Variants in SWT1 observed in about 807,000 individuals in gnomAD.
SWT1 encodes transcriptional protein SWT1.
A neutral mutation model predicts 107.3 loss-of-function variants in SWT1; 33 were observed. That is an observed-to-expected ratio of 0.31 (90% CI 0.23 to 0.41). SWT1 has a LOEUF of 0.41. SWT1 is among the 10% of genes least tolerant of loss of function. The pLI is 1.00. For synonymous variants in SWT1, 345 were observed against 348.3 expected, an observed-to-expected ratio of 0.99 and a Z score of 0.11; for missense variants, 898 against 1,028.9, an observed-to-expected ratio of 0.87 and a Z score of 1.74.
intron 10 of SWT1, among the ~76,000 whole-genome samples, chr1:185,199,616 G>A (rs1033365712): frequency 7.2e-5 from 11 of 152,226 alleles, no homozygotes; most frequent in Non-Finnish European, 2.9e-5. Flanking sequence ...GAGATCTGCT[G>A]TTAGTCTGCT....
chr1:185,218,666 G>A (rs1396987037), intron 14 of SWT1, among the ~76,000 whole-genome samples: 1 of 152,084 alleles, frequency 6.6e-6, no homozygotes, highest in African/African-American at 2.4e-5. Context: ...GTACACTTTC[G>A]TTTTATGGGC....
intron 16 of SWT1, among the ~76,000 whole-genome samples, chr1:185,243,826 A>G (rs904058531): frequency 7.9e-5 from 12 of 152,030 alleles, no homozygotes; most frequent in African/African-American, 2.9e-4. Context: ...GCATGTAGCT[A>G]TATATTTTCT....
At chr1:185,172,627 A>G (rs1385910375) in intron 4 of SWT1, among the ~76,000 whole-genome samples, 1 of 152,130 alleles carries the variant, frequency 6.6e-6, no homozygotes, top group Non-Finnish European at 1.5e-5. Context: ...TTTTTAATTT[A>G]TATTCACATT....
intron 4 of SWT1, among the ~76,000 whole-genome samples, chr1:185,173,400 A>G (rs573443699): frequency 2.0e-5 from 3 of 152,084 alleles, no homozygotes; most frequent in African/African-American, 4.8e-5. Context: ...GAAGTTCTCT[A>G]TTAAGAAATC....
At chr1:185,178,471 A>G (rs990426958) in intron 5 of SWT1, among the ~76,000 whole-genome samples, 5 of 152,226 alleles carry the variant, frequency 3.3e-5, no homozygotes, top group Admixed American at 2.0e-4. Context: ...AGATAGAACC[A>G]TTATTATCTT....
At chr1:185,164,856 A>G (rs1402277090) in intron 2 of SWT1, among the ~76,000 whole-genome samples, 1 of 152,234 alleles carries the variant, frequency 6.6e-6, no homozygotes, top group Non-Finnish European at 1.5e-5. Flanking sequence ...TCGCTGGAGT[A>G]GTGCTTTTAA....
At chr1:185,175,281 C>T (rs1408547160) in intron 5 of SWT1, among the ~76,000 whole-genome samples, 168 bp downstream of exon 5, 3 of 150,570 alleles carry the variant, frequency 2.0e-5, no homozygotes, top group African/African-American at 4.9e-5. Context: ...GGAGTGCATG[C>T]AGTGGCACGA....
intron 14 of SWT1, among the ~76,000 whole-genome samples, chr1:185,220,791 A>G (rs1223366755): frequency 2.0e-5 from 3 of 152,220 alleles, no homozygotes; most frequent in East Asian, 1.9e-4. Context: ...TACACACTAC[A>G]GTTTATTGCT....
chr1:185,287,907 G>A (rs537122173), intron 18 of SWT1, among the ~76,000 whole-genome samples: 4 of 152,100 alleles, frequency 2.6e-5, no homozygotes, highest in Non-Finnish European at 4.4e-5. Context: ...GCCACTAGGA[G>A]GAAAAGAGAA....
chr1:185,276,476 C>G (rs1664247565), intron 17 of SWT1, 128 bp from the exon 18 acceptor site: 10 of 487,274 alleles, frequency 2.1e-5, no homozygotes. Flanking sequence ...CTTATTGTTG[C>G]TGTTTAATCC....
At chr1:185,270,396 T>C (rs1663768115) in intron 16 of SWT1, among the ~76,000 whole-genome samples, 1 of 151,866 alleles carries the variant, frequency 6.6e-6, no homozygotes, top group African/African-American at 2.4e-5. Context: ...AGTAAAAATA[T>C]GTTCTTCCCT....
intron 12 of SWT1, 25 bp downstream of exon 12, chr1:185,204,888 G>T: frequency 6.9e-7 from 1 of 1,448,958 alleles, no homozygotes; most frequent in South Asian, 1.4e-5. Context: ...TCTATTAGTT[G>T]AAAATTTCTT....
chr1:185,179,942 TC>T (rs1276581857), intron 5 of SWT1, among the ~76,000 whole-genome samples: 3 of 152,198 alleles, frequency 2.0e-5, no homozygotes, highest in Non-Finnish European at 4.4e-5. Context: ...TCCCAGTACT[TC>T]GGGAAGCTGA....
intron 16 of SWT1, chr1:185,264,365 C>T (rs1001255486): frequency 3.0e-6 from 3 of 985,204 alleles, no homozygotes; most frequent in Admixed American, 6.2e-5. Context: ...TAAAAGTTCA[C>T]TGCTGGAGAT....
At chr1:185,157,625 G>A (rs1653728643) in intron 1 of SWT1, 1 of 152,376 alleles carries the variant, frequency 6.6e-6, no homozygotes, top group South Asian at 2.1e-4. Context: ...CTTGGAATTA[G>A]GGTCTGTTCT....
At chr1:185,233,906 G>A (rs1319573360) in intron 16 of SWT1, among the ~76,000 whole-genome samples, 1 of 152,088 alleles carries the variant, frequency 6.6e-6, no homozygotes, top group Non-Finnish European at 1.5e-5. Context: ...ACCATGCCCA[G>A]CTAATTTTTT....
intron 18 of SWT1, among the ~76,000 whole-genome samples, chr1:185,288,014 C>A (rs1665044571): frequency 6.6e-6 from 1 of 152,010 alleles, no homozygotes; most frequent in African/African-American, 2.4e-5. Flanking sequence ...ATATTTTTTT[C>A]ACATGTGGAA....
At chr1:185,290,613 A>C in intron 18 of SWT1, 61 bp from the exon 19 acceptor site, 1 of 1,305,874 alleles carries the variant, frequency 7.7e-7, no homozygotes, top group Non-Finnish European at 1.0e-6. Flanking sequence ...TAAAATGAAA[A>C]AGAATTTTTA....
At position 185,267,207 on chromosome 1, in the gene SWT1, C is replaced by T. The variant is rs1165152443; in HGVS notation, c.2442-4116C>T. ...CAGCTAATATTTATTGAGCATGTAC[C>T]GTGTGCCCTATGTTGTGCTAAACAC... On this transcript the variant is annotated intron_variant, in intron 16 of 18. Coordinates refer to ENST00000367500, the MANE Select transcript of SWT1 (RefSeq NM_017673.7). 2.6e-5 allele frequency among the ~76,000 whole-genome samples: 4 copies of T among 152,122 alleles called. No homozygotes were observed. In the East Asian group the frequency reaches 7.7e-4, roughly 29 times the overall value.
Sources: allele counts gnomAD v4.1 joint callset (sites outside exome capture counted in the v4.1 genomes callset), GRCh38; gene constraint gnomAD v4.1.1; transcripts MANE v1.5; gene names NCBI Gene and HGNC (gene_info 2026-07-23, HGNC 2026-07-21).